The following UNC13C variants were observed in gnomAD, a reference collection of about 807,000 sequenced individuals.
UNC13C encodes the protein protein unc-13 homolog C.
In UNC13C, 174 loss-of-function variants were observed where a neutral mutation model predicts 245.4. The ratio of observed to expected loss-of-function variants is 0.71; its 90% CI spans 0.63 to 0.80. The LOEUF is 0.80. UNC13C is among the 30% of genes least tolerant of loss of function. UNC13C has a pLI of 0.00. For missense variants in UNC13C, 2,829 were observed against 2,602.9 expected (o/e 1.09, Z -1.89); for synonymous variants, 992 against 895.1 (o/e 1.11, Z -1.93).
At chr15:54,552,738 A>G (rs1390296354) in intron 28 of UNC13C, among the ~76,000 whole-genome samples, 1 of 85,826 alleles carries the variant, frequency 1.2e-5, no homozygotes, top group Non-Finnish European at 2.0e-5. Context: ...ATAATATAAT[A>G]TATATTATAT....
rs60975842 is a variant in UNC13C, at chr15:54,548,208, C to CTTTTTTTTT, written c.5820+1385_5820+1393dup. On this transcript the variant is annotated intron_variant, in intron 27 of 32. Transcript: ENST00000260323. ...TGTTGTTGTTGTTTTGTTTCTTTTG[C>CTTTTTTTTT]TTTTTTTTTTTTTTTTTTTTTTTTT... Among the ~76,000 whole-genome samples the CTTTTTTTTT allele has an allele frequency of 9.0e-4, 56 of 61,940 alleles. 11 individuals are homozygous for CTTTTTTTTT. Among genetic ancestry groups the CTTTTTTTTT allele is most frequent in the Non-Finnish European group, 1.7e-3 (44 of 25,534 alleles). The allele number at this position is 61,940 out of a possible 152,430, so 40.6% of individuals were successfully genotyped here.
At chr15:54,587,967 A>G (rs1898579333) in intron 30 of UNC13C, among the ~76,000 whole-genome samples, 1 of 152,346 alleles carries the variant, frequency 6.6e-6, no homozygotes, top group Admixed American at 6.5e-5. Flanking sequence ...TGAGACTAAC[A>G]TTGGCCCTGG....
Position 54,411,092 on chromosome 15 carries a change from C to G in UNC13C, c.4848-3890C>G, listed in dbSNP as rs182889193. Among the ~76,000 whole-genome samples, 177 of 152,174 alleles carry G rather than the reference C, an allele frequency of 1.2e-3. 2 individuals are homozygous for G. The highest frequency in any genetic ancestry group is 0.011 in the Admixed American group (168 of 15,292). On this transcript the variant is annotated intron_variant, in intron 18 of 32. Coordinates refer to ENST00000260323, the MANE Select transcript of UNC13C (RefSeq NM_001080534.3). Reference sequence around the variant, plus strand: ...AATTTTATTGGCAAATATCTAATGACTAATAATGTTGAGCCTATTTGCATG... The same window carrying G: ...AATTTTATTGGCAAATATCTAATGAGTAATAATGTTGAGCCTATTTGCATG...
At chr15:54,550,458 G>C (rs1896687469) in intron 28 of UNC13C, among the ~76,000 whole-genome samples, 1 of 152,094 alleles carries the variant, frequency 6.6e-6, no homozygotes, top group African/African-American at 2.4e-5. Context: ...CTTGCAGTTG[G>C]AGCTATCTTC....
chr15:54,076,828 G>C (rs1216069934), intron 2 of UNC13C, among the ~76,000 whole-genome samples: 2 of 152,166 alleles, frequency 1.3e-5, no homozygotes, highest in Non-Finnish European at 1.5e-5. Context: ...AATGGACATA[G>C]CTGAACAAAT....
At chr15:53,899,039 C>A in the UNC13C span, among the ~76,000 whole-genome samples, 2 of 151,990 alleles carry the variant, frequency 1.3e-5, no homozygotes, top group African/African-American at 4.8e-5. Context: ...GACGTTCTTC[C>A]AATGTGTTTC....
intron 2 of UNC13C, among the ~76,000 whole-genome samples, chr15:54,064,366 T>C (rs1386419920): frequency 2.0e-5 from 3 of 152,188 alleles, no homozygotes; most frequent in Non-Finnish European, 4.4e-5. Context: ...ACCTCGAAGT[T>C]TGAGAACCTG....
chr15:54,363,700 A>T (rs1273451623), intron 17 of UNC13C, among the ~76,000 whole-genome samples: 1 of 152,190 alleles, frequency 6.6e-6, no homozygotes, highest in Non-Finnish European at 1.5e-5. Flanking sequence ...AGCAAGTAGA[A>T]CAGCTATAGC....
chr15:53,913,334 G>A, the UNC13C span: 2 of 152,206 alleles, frequency 1.3e-5, no homozygotes, highest in Non-Finnish European at 2.9e-5. Context: ...TTCAGTTAGG[G>A]CCTATGGCAG....
intron 14 of UNC13C, among the ~76,000 whole-genome samples, chr15:54,324,526 G>C (rs1567187738): frequency 6.6e-6 from 1 of 152,024 alleles, no homozygotes; most frequent in Non-Finnish European, 1.5e-5. Context: ...GTGTACAGAA[G>C]AGATGCAAGC....
At chr15:54,280,858 C>T (rs745329219) in intron 10 of UNC13C, among the ~76,000 whole-genome samples, 19 of 151,354 alleles carry the variant, frequency 1.3e-4, no homozygotes, top group African/African-American at 1.9e-4. Flanking sequence ...AGCACAATGG[C>T]GCAATCTCTG....
chr15:54,189,665 A>G (rs937061157), intron 4 of UNC13C, among the ~76,000 whole-genome samples: 1 of 152,200 alleles, frequency 6.6e-6, no homozygotes, highest in African/African-American at 2.4e-5. Flanking sequence ...TGGAAACAAG[A>G]TAATTAAGAT....
intron 31 of UNC13C, 121 bp from the exon 32 acceptor site, chr15:54,623,674 G>A: frequency 1.2e-6 from 1 of 833,392 alleles, no homozygotes; most frequent in Non-Finnish European, 1.9e-6. Context: ...TTGGAGTACA[G>A]TGTCTTGTCA....
At chr15:54,555,778 T>G (rs1405211416) in intron 29 of UNC13C, among the ~76,000 whole-genome samples, 2 of 152,106 alleles carry the variant, frequency 1.3e-5, no homozygotes, top group Non-Finnish European at 2.9e-5. Flanking sequence ...TTATACTTGC[T>G]TCTTTTGTCT....
At chr15:54,140,992 A>G (rs564964484) in intron 2 of UNC13C, among the ~76,000 whole-genome samples, 1 of 152,338 alleles carries the variant, frequency 6.6e-6, no homozygotes, top group African/African-American at 2.4e-5. Flanking sequence ...ACCAGATTTA[A>G]CAGCTGAAAA....
chr15:54,603,359 T>A (rs1899554831), intron 30 of UNC13C, among the ~76,000 whole-genome samples: 1 of 152,156 alleles, frequency 6.6e-6, no homozygotes, highest in Non-Finnish European at 1.5e-5. Flanking sequence ...TTGACACAAA[T>A]CACTTTACTG....
chr15:54,198,857 G>GA (rs1332122622), intron 4 of UNC13C, among the ~76,000 whole-genome samples: 8 of 151,858 alleles, frequency 5.3e-5, no homozygotes, highest in African/African-American at 1.9e-4. Flanking sequence ...TCCAAATCAA[G>GA]AAAAAAATCT....
At chr15:54,582,622 C>T (rs1898250983) in intron 30 of UNC13C, among the ~76,000 whole-genome samples, 1 of 152,084 alleles carries the variant, frequency 6.6e-6, no homozygotes, top group Non-Finnish European at 1.5e-5. Context: ...AACATTTTTG[C>T]TGGTTAGCTC....
At chr15:54,057,559 G>C (rs758372804) in intron 2 of UNC13C, among the ~76,000 whole-genome samples, 1 of 152,058 alleles carries the variant, frequency 6.6e-6, no homozygotes, top group Non-Finnish European at 1.5e-5. Flanking sequence ...CAACAAGACA[G>C]AAAGTTAACC....
Sources: gnomAD v4.1 joint callset for allele counts (sites outside exome capture counted in the v4.1 genomes callset) on GRCh38, gnomAD v4.1.1 for gene constraint, MANE v1.5 for transcripts, NCBI Gene and HGNC (gene_info 2026-07-23, HGNC 2026-07-21) for gene names.